The following ROBO2 variants were observed in gnomAD, a reference collection of about 807,000 sequenced individuals.
ROBO2 encodes the protein roundabout guidance receptor 2.
ROBO2 carries 53 observed loss-of-function variants against 160.8 expected under a neutral mutation model. The observed-to-expected ratio is 0.33, with a 90% CI of 0.26 to 0.41. The LOEUF (loss-of-function observed/expected upper bound fraction) is 0.41, where lower values mean the gene tolerates loss of function less well. ROBO2 is among the 10% of genes least tolerant of loss of function. The pLI, the probability that ROBO2 is intolerant of heterozygous loss-of-function variation, is 1.00. For synonymous variants in ROBO2, 664 were observed against 611.7 expected (o/e 1.09, Z -1.26); for missense variants, 1,577 against 1,722.4 (o/e 0.92, Z 1.49).
At chr3:76,478,726 G>T (rs1040738879) in intron 2 of ROBO2, among the ~76,000 whole-genome samples, 2 of 138,912 alleles carry the variant, frequency 1.4e-5, no homozygotes, top group African/African-American at 2.8e-5. Context: ...CTCTCAGCTC[G>T]GCTAGAGTGC....
In ROBO2 at chr3:77,563,117, T is replaced by G. The variant is rs749567147; in HGVS notation, c.1520-50T>G. The G allele has an allele frequency of 1.8e-5, 28 of 1,581,116 alleles. 1 individual carries two copies. In the South Asian group the frequency reaches 3.0e-4, roughly 17 times the overall value. On this transcript the variant is annotated intron_variant, in intron 10 of 25. Transcript: ENST00000461745. The stretch of plus-strand genomic sequence containing the variant: ...ACTGCTTCCTTCTTTTAGGCAGTAT[T>G]GTCAACTTATGCAATCAGGAATGAA...
chr3:76,117,100 A>G (rs2070504347), intron 2 of ROBO2, among the ~76,000 whole-genome samples: 1 of 152,218 alleles, frequency 6.6e-6, no homozygotes, highest in African/African-American at 2.4e-5. Flanking sequence ...AAACATTCTA[A>G]TGTAGAGTAG....
At chr3:77,516,036 G>A (rs954492962) in intron 5 of ROBO2, among the ~76,000 whole-genome samples, 6 of 151,286 alleles carry the variant, frequency 4.0e-5, no homozygotes, top group Admixed American at 2.6e-4. Context: ...GGCTCCATAT[G>A]TTCTCTTTTA....
intron 2 of ROBO2, among the ~76,000 whole-genome samples, chr3:77,023,655 T>C (rs1018791820): frequency 6.6e-6 from 1 of 152,196 alleles, no homozygotes; most frequent in African/African-American, 2.4e-5. Flanking sequence ...GATATAGTCT[T>C]GTAGTGAAAA....
chr3:76,966,781 A>C (rs993531909), intron 2 of ROBO2, among the ~76,000 whole-genome samples: 2 of 152,216 alleles, frequency 1.3e-5, no homozygotes, highest in African/African-American at 4.8e-5. Context: ...ATAAAATAGG[A>C]TAAAATGCCC....
intron 2 of ROBO2, among the ~76,000 whole-genome samples, chr3:76,213,633 T>C (rs1311805209): frequency 6.6e-6 from 1 of 152,164 alleles, no homozygotes; most frequent in East Asian, 1.9e-4. Flanking sequence ...ATTTTGCAAA[T>C]ATCTTGCATT....
intron 2 of ROBO2, among the ~76,000 whole-genome samples, chr3:76,096,898 G>A (rs541536814): frequency 6.6e-6 from 1 of 152,238 alleles, no homozygotes; most frequent in African/African-American, 2.4e-5. Context: ...AGTCTAGTGA[G>A]AAACATGCAT....
intron 2 of ROBO2, among the ~76,000 whole-genome samples, chr3:77,159,752 T>C (rs2078323484): frequency 2.0e-5 from 3 of 152,102 alleles, no homozygotes; most frequent in African/African-American, 7.2e-5. Flanking sequence ...ATATTGAAAT[T>C]ATAAAAGTGT....
chr3:76,879,162 CA>C (rs1175642821), intron 2 of ROBO2, among the ~76,000 whole-genome samples: 1 of 152,096 alleles, frequency 6.6e-6, no homozygotes, highest in Non-Finnish European at 1.5e-5. Context: ...ACTGAGTTTT[CA>C]TGTCGTATTT....
chr3:76,731,284 G>A (rs1003097264), intron 2 of ROBO2, among the ~76,000 whole-genome samples: 3 of 152,104 alleles, frequency 2.0e-5, no homozygotes, highest in Non-Finnish European at 4.4e-5. Flanking sequence ...TGGGTTCAGC[G>A]TTTAGTTTAA....
At chr3:76,660,086 G>A (rs1360723315) in intron 2 of ROBO2, among the ~76,000 whole-genome samples, 1 of 151,540 alleles carries the variant, frequency 6.6e-6, no homozygotes, top group Non-Finnish European at 1.5e-5. Flanking sequence ...CAGAAATTGA[G>A]CATAATCATT....
intron 2 of ROBO2, among the ~76,000 whole-genome samples, chr3:75,957,673 G>A (rs963328708): frequency 2.0e-5 from 3 of 150,518 alleles, no homozygotes; most frequent in Middle Eastern, 3.2e-3. Context: ...GTTCTTGAAA[G>A]TAGTTAGATT....
intron 14 of ROBO2, among the ~76,000 whole-genome samples, chr3:77,576,822 G>A (rs969948099): frequency 7.9e-5 from 12 of 152,096 alleles, no homozygotes; most frequent in Non-Finnish European, 4.4e-5. Flanking sequence ...TCAATTTATA[G>A]CAGTCAATTA....
chr3:76,805,907 T>A (rs1371089279), intron 2 of ROBO2, among the ~76,000 whole-genome samples: 1 of 151,982 alleles, frequency 6.6e-6, no homozygotes, highest in Non-Finnish European at 1.5e-5. Context: ...TCTCTTGATG[T>A]GAAATCAATT....
At chr3:77,332,190 CT>C (rs1277713087) in intron 2 of ROBO2, among the ~76,000 whole-genome samples, 1 of 152,102 alleles carries the variant, frequency 6.6e-6, no homozygotes, top group African/African-American at 2.4e-5. Context: ...ATTTTTATGT[CT>C]ATTGCCTAAT....
chr3:76,042,710 A>C (rs1348124016), intron 2 of ROBO2, among the ~76,000 whole-genome samples: 3 of 152,044 alleles, frequency 2.0e-5, no homozygotes, highest in Non-Finnish European at 2.9e-5. Context: ...AGTAGTTAAA[A>C]ATCAACTCAT....
chr3:77,398,635 G>A (rs766988275), intron 2 of ROBO2, among the ~76,000 whole-genome samples: 1 of 152,036 alleles, frequency 6.6e-6, no homozygotes, highest in Non-Finnish European at 1.5e-5. Flanking sequence ...TGGCTGGAGT[G>A]TAATGGCATG....
intron 2 of ROBO2, among the ~76,000 whole-genome samples, chr3:76,278,061 A>G (rs1708029766): frequency 6.6e-6 from 1 of 151,912 alleles, no homozygotes. Flanking sequence ...TAAGAGGTAA[A>G]CGGTGAAATG....
chr3:77,575,212 G>C (rs928886935), intron 14 of ROBO2, among the ~76,000 whole-genome samples: 2 of 152,064 alleles, frequency 1.3e-5, no homozygotes, highest in African/African-American at 4.8e-5. Flanking sequence ...TCTTCTTAGT[G>C]AAGTTCCCTC....
Sources: gnomAD v4.1 joint callset for allele counts (sites outside exome capture counted in the v4.1 genomes callset) on GRCh38, gnomAD v4.1.1 for gene constraint, MANE v1.5 for transcripts, NCBI Gene and HGNC (gene_info 2026-07-23, HGNC 2026-07-21) for gene names.